The following CDH18 variants were observed in gnomAD, a reference collection of about 807,000 sequenced individuals.
CDH18 encodes the protein cadherin-18.
CDH18 carries 31 observed loss-of-function variants against 67.9 expected under a neutral mutation model. The ratio of observed to expected loss-of-function variants is 0.46; its 90% CI spans 0.34 to 0.62. The LOEUF is 0.62. CDH18 is among the 20% of genes least tolerant of loss of function. The pLI is 0.01. For synonymous variants in CDH18, 362 were observed against 347.2 expected (o/e 1.04, Z -0.48); for missense variants, 890 against 975.5 (o/e 0.91, Z 1.17).
chr5:20,351,401 A>C (rs1357856846), intron 1 of CDH18, among the ~76,000 whole-genome samples: 1 of 152,144 alleles, frequency 6.6e-6, no homozygotes, highest in Non-Finnish European at 1.5e-5. Context: ...CAACATTAAC[A>C]GCAGCTGTCA....
chr5:19,503,064 C>T lies in CDH18; in HGVS notation c.1558G>A (p.Gly520Arg), dbSNP rs747880884. The change falls in exon 11 of 13, where the codon GGA becomes AGA. Residue 520 changes from glycine to arginine, a missense_variant. Coordinates refer to ENST00000382275, the MANE Select transcript of CDH18 (RefSeq NM_004934.5). ...SATDKDDFANGPRFNFFLDER... is the reference protein window; with the variant it reads ...SATDKDDFANRPRFNFFLDER... Reference sequence around the variant, plus strand: ...TCAAGAAAGAAGTTAAACCTTGGTCCATTGGCAAAATCATCTTTATCAGTG... The same window carrying T: ...TCAAGAAAGAAGTTAAACCTTGGTCTATTGGCAAAATCATCTTTATCAGTG... The T allele has an allele frequency of 3.1e-6, 5 of 1,612,118 alleles. No individual in the cohort carries two copies. Among genetic ancestry groups the T allele is most frequent in the South Asian group, 1.1e-5 (1 of 91,036 alleles).
chr5:19,964,916 G>C (rs1176642266), intron 2 of CDH18, among the ~76,000 whole-genome samples: 1 of 151,928 alleles, frequency 6.6e-6, no homozygotes, highest in Non-Finnish European at 1.5e-5. Context: ...AGATATAAGG[G>C]CTTTAAATAG....
chr5:19,859,993 T>TGTGTGG (rs1784716080), intron 2 of CDH18, among the ~76,000 whole-genome samples: 1 of 149,128 alleles, frequency 6.7e-6, no homozygotes, highest in Non-Finnish European at 1.5e-5. Context: ...GCTTTGGGTG[T>TGTGTGG]GTGTGTGTGT....
At chr5:20,334,542 C>G (rs1367753228) in intron 1 of CDH18, among the ~76,000 whole-genome samples, 1 of 152,084 alleles carries the variant, frequency 6.6e-6, no homozygotes, top group South Asian at 2.1e-4. Flanking sequence ...AGACTAATGT[C>G]AATCAGAGAG....
At chr5:19,816,481 A>G (rs539653313) in intron 3 of CDH18, among the ~76,000 whole-genome samples, 1 of 152,020 alleles carries the variant, frequency 6.6e-6, no homozygotes, top group Non-Finnish European at 1.5e-5. Context: ...ATGATTTTAA[A>G]TGTCTCCTTA....
intron 2 of CDH18, among the ~76,000 whole-genome samples, chr5:20,214,662 C>T (rs1415670274): frequency 6.6e-6 from 1 of 151,696 alleles, no homozygotes; most frequent in Non-Finnish European, 1.5e-5. Context: ...AAACTGGACC[C>T]CTTTCTTAAA....
At chr5:19,611,957 T>C (rs952668798) in intron 6 of CDH18, among the ~76,000 whole-genome samples, 2 of 150,878 alleles carry the variant, frequency 1.3e-5, no homozygotes, top group Non-Finnish European at 3.0e-5. Flanking sequence ...TGCGTGTGTG[T>C]GTGTGTGTGT....
intron 2 of CDH18, among the ~76,000 whole-genome samples, chr5:20,064,266 T>C (rs956231519): frequency 6.6e-6 from 1 of 152,144 alleles, no homozygotes; most frequent in Non-Finnish European, 1.5e-5. Context: ...AGCTATTTGA[T>C]TTAGGATGCA....
At position 19,858,000 on chromosome 5, in the gene CDH18, G is replaced by T. The variant is rs185375057; in HGVS notation, c.-256-18758C>A. On this transcript the variant is annotated intron_variant, in intron 2 of 12. Transcript: ENST00000382275. ...AGTATAATAGTCACTTGATTTCCTT[G>T]TTTGTGAGAATTCAAAATCTGCAGC... Among the ~76,000 whole-genome samples the T allele has an allele frequency of 3.2e-3, 492 of 152,210 alleles. 2 individuals are homozygous for T. Among genetic ancestry groups the T allele is most frequent in the Admixed American group, 5.2e-3 (79 of 15,276 alleles).
At chr5:19,823,763 C>A (rs143606633) in intron 3 of CDH18, among the ~76,000 whole-genome samples, 1 of 152,212 alleles carries the variant, frequency 6.6e-6, no homozygotes, top group East Asian at 1.9e-4. Flanking sequence ...ACCCAACAAC[C>A]ACAGAATACA....
intron 2 of CDH18, among the ~76,000 whole-genome samples, chr5:20,055,261 C>T (rs1043894124): frequency 8.5e-5 from 13 of 152,152 alleles, no homozygotes; most frequent in Admixed American, 7.2e-4. Flanking sequence ...AGGCTATTGA[C>T]AGATAAATTC....
intron 1 of CDH18, among the ~76,000 whole-genome samples, chr5:20,487,399 T>G (rs1026769853): frequency 1.3e-5 from 2 of 149,902 alleles, no homozygotes; most frequent in Admixed American, 1.3e-4. Context: ...TATATATATA[T>G]AGGTTTCAGG....
At chr5:20,414,952 T>C (rs762293661) in intron 1 of CDH18, among the ~76,000 whole-genome samples, 3 of 152,198 alleles carry the variant, frequency 2.0e-5, no homozygotes, top group Non-Finnish European at 2.9e-5. Context: ...ATTAAAAATG[T>C]AATTACTATA....
At chr5:20,159,723 G>A (rs183972422) in intron 2 of CDH18, among the ~76,000 whole-genome samples, 47 of 152,186 alleles carry the variant, frequency 3.1e-4, no homozygotes, top group African/African-American at 1.1e-3. Flanking sequence ...GGATGATAAG[G>A]CCAAGTTTAA....
chr5:19,529,456 A>G (rs1250851357), intron 9 of CDH18, among the ~76,000 whole-genome samples: 1 of 152,078 alleles, frequency 6.6e-6, no homozygotes, highest in Non-Finnish European at 1.5e-5. Flanking sequence ...TCTCCTGAAC[A>G]CTATCTTTAG....
intron 2 of CDH18, among the ~76,000 whole-genome samples, chr5:19,977,109 T>C (rs1798577872): frequency 6.6e-6 from 1 of 152,062 alleles, no homozygotes; most frequent in African/African-American, 2.4e-5. Context: ...ATTTGACTTG[T>C]TACAATAAAC....
At chr5:20,397,072 C>T (rs1745342958) in intron 1 of CDH18, among the ~76,000 whole-genome samples, 1 of 152,128 alleles carries the variant, frequency 6.6e-6, no homozygotes, top group Non-Finnish European at 1.5e-5. Context: ...ACTCAACTCA[C>T]ATAACTAGAA....
At chr5:19,489,470 A>G (rs1561180354) in intron 11 of CDH18, among the ~76,000 whole-genome samples, 1 of 151,918 alleles carries the variant, frequency 6.6e-6, no homozygotes, top group South Asian at 2.1e-4. Context: ...GCTGGTCTCA[A>G]ACTCCTGACC....
intron 3 of CDH18, among the ~76,000 whole-genome samples, chr5:19,755,458 TACACAC>T (rs70950099): frequency 0.017 from 162 of 9,446 alleles, 31 homozygotes; most frequent in South Asian, 0.13. Flanking sequence ...TATATATATA[TACACAC>T]ACACACACAC....
Sources: allele counts gnomAD v4.1 joint callset (sites outside exome capture counted in the v4.1 genomes callset), GRCh38; gene constraint gnomAD v4.1.1; transcripts MANE v1.5; gene names NCBI Gene and HGNC (gene_info 2026-07-23, HGNC 2026-07-21).